Variants in LRRC41 observed in about 807,000 individuals in gnomAD.
LRRC41 encodes the protein leucine-rich repeat-containing protein 41.
Under a neutral mutation model 72.1 loss-of-function variants are expected in LRRC41, and 17 were observed. The ratio of observed to expected loss-of-function variants is 0.24; its 90% CI spans 0.16 to 0.35. The LOEUF (loss-of-function observed/expected upper bound fraction) is 0.35, where lower values mean the gene tolerates loss of function less well. LRRC41 is among the 10% of genes least tolerant of loss of function. LRRC41 has a pLI of 1.00. For synonymous variants in LRRC41, 427 were observed against 431.0 expected, an observed-to-expected ratio of 0.99 and a Z score of 0.11; for missense variants, 759 against 1,065.0, an observed-to-expected ratio of 0.71 and a Z score of 4.00.
At position 46,303,229 on chromosome 1, in the gene LRRC41, GCGC is replaced by G; in HGVS notation, c.91_93del (p.Ala31del). 1 of 1,559,714 alleles carries G rather than the reference GCGC, an allele frequency of 6.4e-7. No individual in the cohort carries two copies. The highest frequency in any genetic ancestry group is 8.7e-7 in the Non-Finnish European group (1 of 1,155,312). Reference sequence around the variant, plus strand: ...GGGCCCGAGGCCGAGCTCTTCGCTGGCGCCGCCTCCCGGGACGTGGCCTCCATG... The same window carrying G: ...GGGCCCGAGGCCGAGCTCTTCGCTGGCGCCTCCCGGGACGTGGCCTCCATG... On this transcript the variant is annotated inframe_deletion, in exon 1 of 10. Transcript: ENST00000617190.
chr1:46,278,827 G>A lies in LRRC41; in HGVS notation c.*38C>T. On this transcript the variant is annotated 3_prime_UTR_variant, in exon 10 of 10. Transcript: ENST00000617190. The stretch of plus-strand genomic sequence containing the variant: ...GCCCATGCTTCAGCCCCTGCAAGCT[G>A]ATGGTACCGAGCATGAGACTGTGAG... 6.3e-7 allele frequency: 1 copy of A among 1,584,118 alleles called. No homozygotes were observed. Among genetic ancestry groups the A allele is most frequent in the African/African-American group, 1.3e-5 (1 of 74,612 alleles).
chr1:46,280,580 A>G lies in LRRC41; in HGVS notation c.1757-20T>C, dbSNP rs781701176. 1 of 1,611,000 alleles carries G rather than the reference A, an allele frequency of 6.2e-7. No individual in the cohort carries two copies. The highest frequency in any genetic ancestry group is 8.5e-7 in the Non-Finnish European group (1 of 1,178,730). On this transcript the variant is annotated intron_variant, in intron 5 of 9. Transcript: ENST00000617190. ...AGTTTTCTGGATATGGTGGGGAAAG[A>G]AGATTCCAGCTGGCCATCTCTACCT...
chr1:46,302,884 G>A lies in LRRC41; in HGVS notation c.199+240C>T. ...GCTTCGCTCCAGACCGGGCCTCCTG[G>A]CCTCGCCCCCCGCGCCCCCGAGCCA... On this transcript the variant is annotated intron_variant, in intron 1 of 9. Coordinates refer to ENST00000617190, the MANE Select transcript of LRRC41 (RefSeq NM_006369.5). This position sits in a 1 kb window ranked among gnomAD's most constrained non-coding sequence, Gnocchi z 4.7. The A allele has an allele frequency of 1.0e-6, 1 of 985,044 alleles. No homozygotes were observed. Among genetic ancestry groups the A allele is most frequent in the Non-Finnish European group, 1.2e-6 (1 of 829,806 alleles). The allele number at this position is 985,044 out of a possible 1,614,324, so 61.0% of individuals were successfully genotyped here. A position where few individuals can be genotyped will look rare whatever the true frequency, so the allele number is the denominator to read the frequency against.
rs1164658562 is a variant in LRRC41, at chr1:46,280,481, G to A, written c.1836C>T (p.Ala612=). 3.1e-6 allele frequency: 5 copies of A among 1,614,182 alleles called. No homozygotes were observed. In the East Asian group the frequency reaches 1.1e-4, roughly 36 times the overall value. ...PAPLLCSVLK[A]SGSLQQLSLD... The stretch of plus-strand genomic sequence containing the variant: ...GGGACAGCTGCTGCAGAGAACCCGA[G>A]GCCTTCAGAACGGAGCACAGCAGTG... Residue 612 remains alanine (A), a synonymous_variant, in exon 6 of 10, where the codon GCC becomes GCT. Transcript: ENST00000617190.
At chr1:46,289,684 C>G (rs951928146) in intron 3 of LRRC41, among the ~76,000 whole-genome samples, 3 of 152,080 alleles carry the variant, frequency 2.0e-5, no homozygotes, top group Admixed American at 6.5e-5. Context: ...TGGCGTGAAC[C>G]CGGGAGGCGG....
In LRRC41 at chr1:46,302,304, G is replaced by C. The variant is rs1367976800; in HGVS notation, c.199+820C>G. On this transcript the variant is annotated intron_variant, in intron 1 of 9. Transcript: ENST00000617190. This position sits in a 1 kb window ranked among gnomAD's most constrained non-coding sequence, Gnocchi z 4.7. ...GGGGCCTCCTTGGCCCTTCCCGCCT[G>C]TCCGTCATTCGAGCCTCCCTCGCTT... 3 of 985,234 alleles carry C rather than the reference G, an allele frequency of 3.0e-6. No individual in the cohort carries two copies. The highest frequency in any genetic ancestry group is 1.7e-5 in the African/African-American group (1 of 57,196). The allele number at this position is 985,234 out of a possible 1,614,324, so 61.0% of individuals were successfully genotyped here.
At position 46,279,238 on chromosome 1, in the gene LRRC41, G is replaced by A; in HGVS notation, c.2163C>T (p.Ala721=). ...AATCCTCTGAGAAAACATCTGCCAA[G>A]GCCAGCAGGCCAGCATTCCCTGGAG... ...GNRLGNAGLL[A]LADVFSEDSS... The change falls in exon 9 of 10, where the codon GCC becomes GCT. Residue 721 remains alanine (A), a synonymous_variant. Transcript: ENST00000617190. The surrounding 1 kb of genome is among the most constrained non-coding windows in gnomAD (Gnocchi z 4.5). The A allele has an allele frequency of 3.1e-6, 5 of 1,614,166 alleles. No homozygotes were observed. Among genetic ancestry groups the A allele is most frequent in the Non-Finnish European group, 4.2e-6 (5 of 1,180,022 alleles).
In LRRC41 at chr1:46,280,493, G is replaced by A. The variant is rs748823948; in HGVS notation, c.1824C>T (p.Ser608=). 6.6e-5 allele frequency: 106 copies of A among 1,614,080 alleles called. 1 individual carries two copies. In the South Asian group the frequency reaches 8.9e-4, roughly 14 times the overall value. The change falls in exon 6 of 10, where the codon TCC becomes TCT. Residue 608 remains serine (S), a synonymous_variant. Transcript: ENST00000617190. The stretch of plus-strand genomic sequence containing the variant: ...GCAGAGAACCCGAGGCCTTCAGAAC[G>A]GAGCACAGCAGTGGGGCTGGCTGGG... The part of the protein sequence containing the change: ...RGAQPAPLLC[S]VLKASGSLQQ...
Position 46,278,689 on chromosome 1 carries a change from T to G in LRRC41, c.*176A>C. On this transcript the variant is annotated 3_prime_UTR_variant, in exon 10 of 10. Transcript: ENST00000617190. ...CTATAAACCCAGCTGTGAGAATGCC[T>G]GTTTGCTGGGCCTCATCAAGGCCTC... 1 of 649,250 alleles carries G rather than the reference T, an allele frequency of 1.5e-6. No individual in the cohort carries two copies. Among genetic ancestry groups the G allele is most frequent in the South Asian group, 1.9e-5 (1 of 51,480 alleles). 40.2% of individuals were successfully genotyped at this position (649,250 alleles called of 1,614,324 possible). A position where few individuals can be genotyped will look rare whatever the true frequency, so the allele number is the denominator to read the frequency against.
intron 3 of LRRC41, among the ~76,000 whole-genome samples, chr1:46,287,745 G>A (rs373681120): frequency 6.6e-6 from 1 of 152,116 alleles, no homozygotes; most frequent in South Asian, 2.1e-4. Flanking sequence ...TTCTTGTTGG[G>A]ACTCCTCTGA....
At position 46,302,699 on chromosome 1, in the gene LRRC41, T is replaced by C. The variant is rs1661267339; in HGVS notation, c.199+425A>G. 1.0e-6 allele frequency: 1 copy of C among 985,002 alleles called. No homozygotes were observed. The highest frequency in any genetic ancestry group is 1.2e-6 in the Non-Finnish European group (1 of 829,758). The allele number at this position is 985,002 out of a possible 1,614,324, so 61.0% of individuals were successfully genotyped here. On this transcript the variant is annotated intron_variant, in intron 1 of 9. Transcript: ENST00000617190. The surrounding 1 kb of genome is among the most constrained non-coding windows in gnomAD (Gnocchi z 4.7). Reference sequence around the variant, plus strand: ...GGTGGCCCCGGGCCTGGCCTGGCCTTGCCTTAGGCCGGGCCTCCTAACCTC... The same window carrying C: ...GGTGGCCCCGGGCCTGGCCTGGCCTCGCCTTAGGCCGGGCCTCCTAACCTC...
At chr1:46,294,839 C>T (rs148274339) in intron 3 of LRRC41, among the ~76,000 whole-genome samples, 23 of 152,112 alleles carry the variant, frequency 1.5e-4, no homozygotes, top group Middle Eastern at 3.4e-3. Flanking sequence ...GTGATCCACC[C>T]GCGTTGGCCT....
intron 5 of LRRC41, 32 bp downstream of exon 5, chr1:46,281,083 ACACGTGCGTG>A: frequency 6.2e-7 from 1 of 1,604,088 alleles, no homozygotes; most frequent in Non-Finnish European, 8.5e-7. Context: ...GTGTGGGGAT[ACACGTGCGTG>A]CACACACACA....
In LRRC41 at chr1:46,285,778, G is replaced by A; in HGVS notation, c.1079C>T (p.Ala360Val). Residue 360 changes from alanine (A) to valine (V), a missense_variant, in exon 4 of 10, where the codon GCT becomes GTT. Coordinates refer to ENST00000617190, the MANE Select transcript of LRRC41 (RefSeq NM_006369.5). The surrounding 1 kb of genome is among the most constrained non-coding windows in gnomAD (Gnocchi z 5.3). ...AGAGGCAGAGGAGGTGGCTGCTGGA[G>A]CAGAAGGTGACCGCTTGGTGCCAGG... ...EAPGTKRSPS[A>V]PAATSSASSS... 1 of 1,597,008 alleles carries A rather than the reference G, an allele frequency of 6.3e-7. No homozygotes were observed. The highest frequency in any genetic ancestry group is 1.1e-5 in the South Asian group (1 of 88,854).
chr1:46,280,085 A>C (rs954881465), intron 7 of LRRC41, 107 bp downstream of exon 7: 8 of 817,150 alleles, frequency 9.8e-6, no homozygotes, highest in East Asian at 5.0e-5. Context: ...TCCATTTTAT[A>C]GCTGAGGACA....
At chr1:46,300,412 T>C (rs1387491500) in intron 1 of LRRC41, 6 of 152,212 alleles carry the variant, frequency 3.9e-5, no homozygotes, top group Admixed American at 1.3e-4. Context: ...ACTTACAGAA[T>C]AACTGAATCT....
chr1:46,278,761 CAG>C lies in LRRC41; in HGVS notation c.*102_*103del, dbSNP rs1224176360. The C allele has an allele frequency of 2.6e-6, 3 of 1,160,602 alleles. No homozygotes were observed. The Admixed American group carries it at 6.2e-5, about 24-fold the overall frequency. 71.9% of individuals were successfully genotyped at this position (1,160,602 alleles called of 1,614,324 possible). A position where few individuals can be genotyped will look rare whatever the true frequency, so the allele number is the denominator to read the frequency against. ...GAAGGAAAAAAGAGAAAAAAGGTGA[CAG>C]AAAGAGAAAGATAGAACTGGTGGTT... On this transcript the variant is annotated 3_prime_UTR_variant, in exon 10 of 10. Transcript: ENST00000617190.
intron 3 of LRRC41, among the ~76,000 whole-genome samples, chr1:46,287,234 G>C (rs899048328): frequency 5.9e-5 from 9 of 152,002 alleles, no homozygotes; most frequent in Admixed American, 2.0e-4. Context: ...TCAGCCTCCC[G>C]AGTAGCTGGG....
In LRRC41 at chr1:46,277,659, A is replaced by T; in HGVS notation, c.*1206T>A. 1.2e-6 allele frequency: 1 copy of T among 812,360 alleles called. No individual in the cohort carries two copies. Among genetic ancestry groups the T allele is most frequent in the Non-Finnish European group, 2.0e-6 (1 of 504,690 alleles). The allele number at this position is 812,360 out of a possible 1,614,324, so 50.3% of individuals were successfully genotyped here. A position where few individuals can be genotyped will look rare whatever the true frequency, so the allele number is the denominator to read the frequency against. ...CTCAGGAGACAGACTGGGAAAATGG[A>T]CCTCAGCTGAGTAGAGATAATGTTC... On this transcript the variant is annotated 3_prime_UTR_variant, in exon 10 of 10. Transcript: ENST00000617190.
Sources: gnomAD v4.1 joint callset for allele counts (sites outside exome capture counted in the v4.1 genomes callset) on GRCh38, gnomAD v4.1.1 for gene constraint, Gnocchi (gnomAD v3.1) non-coding constraint, MANE v1.5 for transcripts, NCBI Gene and HGNC (gene_info 2026-07-23, HGNC 2026-07-21) for gene names.